Variants in PCDHA8 observed in about 807,000 individuals in gnomAD.
The protein encoded by PCDHA8 is protocadherin alpha-8.
A neutral mutation model predicts 61.8 loss-of-function variants in PCDHA8; 53 were observed. That is an observed-to-expected ratio of 0.86 (90% confidence interval 0.69 to 1.08). PCDHA8 has a LOEUF of 1.08. PCDHA8 is among the 50% of genes least tolerant of loss of function. The probability of loss-of-function intolerance (pLI) is 0.00; values close to 1 mark genes in which losing one functional copy is unlikely to be tolerated. For synonymous variants in PCDHA8, 618 were observed against 556.6 expected, an observed-to-expected ratio of 1.11 and a Z score of -1.55; for missense variants, 1,293 against 1,245.0, an observed-to-expected ratio of 1.04 and a Z score of -0.58.
At chr5:140,927,753 C>T (rs1435866827) in intron 1 of PCDHA8, 3 of 1,614,078 alleles carry the variant, frequency 1.9e-6, no homozygotes, top group Non-Finnish European at 2.5e-6. Flanking sequence ...TTCACGTGCA[C>T]CCTAAAAGTG....
Position 140,855,272 on chromosome 5 carries a change from A to G in PCDHA8, c.2394+11557A>G, listed in dbSNP as rs527268244. Among the ~76,000 whole-genome samples the G allele has an allele frequency of 6.0e-5, 9 of 149,830 alleles. 1 individual carries two copies. In the South Asian group the frequency reaches 1.7e-3, roughly 28 times the overall value. ...CACTTACTATATTATAATTCACTCA[A>G]CCACCGTATTACTATTAGGCCAAAG... On this transcript the variant is annotated intron_variant, in intron 1 of 3. Transcript: ENST00000531613.
At chr5:140,876,499 G>T in intron 1 of PCDHA8, 1 of 1,614,028 alleles carries the variant, frequency 6.2e-7, no homozygotes, top group South Asian at 1.1e-5. Flanking sequence ...AGTTCTGGAC[G>T]TGAATGACAA....
At chr5:140,848,313 C>T in intron 1 of PCDHA8, 1 of 730,618 alleles carries the variant, frequency 1.4e-6, no homozygotes, top group Non-Finnish European at 2.3e-6. Context: ...CACTCTTTGC[C>T]GCGATGTTCT....
intron 1 of PCDHA8, chr5:140,966,887 G>A: frequency 6.3e-7 from 1 of 1,592,682 alleles, no homozygotes. Flanking sequence ...TGGCCCTGCG[G>A]CCTCCCAGCT....
intron 1 of PCDHA8, chr5:140,967,008 A>C: frequency 6.2e-7 from 1 of 1,606,216 alleles, no homozygotes. Context: ...CGCATCAACC[A>C]TCTGGGTGCG....
chr5:140,887,802 T>A (rs2061588161), intron 1 of PCDHA8, among the ~76,000 whole-genome samples: 1 of 152,198 alleles, frequency 6.6e-6, no homozygotes, highest in Non-Finnish European at 1.5e-5. Context: ...TTTATTTTTG[T>A]CCATTTCTTT....
intron 1 of PCDHA8, among the ~76,000 whole-genome samples, chr5:140,972,711 T>A (rs2096551404): frequency 6.7e-6 from 1 of 148,680 alleles, no homozygotes; most frequent in Non-Finnish European, 1.5e-5. Context: ...GTTGCCAGGC[T>A]GGAGTGCAGT....
intron 1 of PCDHA8, chr5:140,966,700 G>T: frequency 7.3e-7 from 1 of 1,365,440 alleles, no homozygotes; most frequent in Non-Finnish European, 9.4e-7. Context: ...GGGCCCGGGC[G>T]TGGGGCACGG....
At position 140,843,100 on chromosome 5, in the gene PCDHA8, G is replaced by C; in HGVS notation, c.1779G>C (p.Lys593Asn). 1 of 1,595,760 alleles carries C rather than the reference G, an allele frequency of 6.3e-7. No homozygotes were observed. Among genetic ancestry groups the C allele is most frequent in the East Asian group, 2.2e-5 (1 of 44,806 alleles). The part of the protein sequence containing the change: ...RSVGAGHVVA[K>N]VRAVDADSGY... ...TGGGCGCGGGCCACGTGGTAGCGAA[G>C]GTGCGCGCAGTGGACGCCGACTCGG... is the stretch of plus-strand genomic sequence containing the variant. Residue 593 changes from lysine (K) to asparagine (N), a missense_variant, in exon 1 of 4, where the codon AAG (lysine) becomes AAC (asparagine). Transcript: ENST00000531613.
At chr5:140,876,323 T>C (rs1554168484) in intron 1 of PCDHA8, 1 of 1,614,000 alleles carries the variant, frequency 6.2e-7, no homozygotes, top group Middle Eastern at 1.6e-4. Context: ...ATCAAAATGA[T>C]TTTGCCAGTG....
intron 1 of PCDHA8, chr5:140,863,203 G>C: frequency 1.1e-6 from 1 of 948,504 alleles, no homozygotes; most frequent in Non-Finnish European, 1.6e-6. Flanking sequence ...GTCGCTGGCG[G>C]AGAGCAGCCA....
At chr5:140,998,906 AG>A (rs1267220398) in intron 3 of PCDHA8, among the ~76,000 whole-genome samples, 10 of 152,208 alleles carry the variant, frequency 6.6e-5, no homozygotes, top group Non-Finnish European at 1.5e-5. Context: ...TGCCTCCGGG[AG>A]GTAGCTATTA....
Position 141,010,476 on chromosome 5 carries a change from G to T in PCDHA8, c.*539G>T. ...GAAGTTATCAGTATGGAGGGGAAGT[G>T]TAAACTTAAAGGGACCAGACTTTCT... is the stretch of plus-strand genomic sequence containing the variant. On this transcript the variant is annotated 3_prime_UTR_variant, in exon 4 of 4. Coordinates refer to ENST00000531613, the MANE Select transcript of PCDHA8 (RefSeq NM_018911.3). 1.3e-6 allele frequency: 1 copy of T among 752,476 alleles called. No individual in the cohort carries two copies. Among genetic ancestry groups the T allele is most frequent in the Non-Finnish European group, 2.0e-6 (1 of 499,640 alleles). The allele number at this position is 752,476 out of a possible 1,614,324, so 46.6% of individuals were successfully genotyped here. A position where few individuals can be genotyped will look rare whatever the true frequency, so the allele number is the denominator to read the frequency against.
chr5:140,980,030 C>T (rs552658283), intron 2 of PCDHA8, among the ~76,000 whole-genome samples: 29 of 152,292 alleles, frequency 1.9e-4, no homozygotes, highest in Admixed American at 4.6e-4. Flanking sequence ...GAAATCATTA[C>T]ATTGGGTGCT....
chr5:140,846,294 A>G (rs2150386529), intron 1 of PCDHA8, among the ~76,000 whole-genome samples: 1 of 149,296 alleles, frequency 6.7e-6, no homozygotes, highest in Non-Finnish European at 1.5e-5. Flanking sequence ...AGTTCTATGA[A>G]TTAAGTAAAC....
intron 1 of PCDHA8, chr5:140,877,410 C>G (rs1339534741): frequency 7.4e-6 from 12 of 1,613,922 alleles, no homozygotes; most frequent in Non-Finnish European, 9.3e-6. Context: ...CGCGCCACCG[C>G]CTGCTGGTGC....
intron 1 of PCDHA8, chr5:140,869,991 A>G (rs1554163685): frequency 1.9e-6 from 3 of 1,613,542 alleles, no homozygotes; most frequent in Non-Finnish European, 2.5e-6. Flanking sequence ...CACTAGATCA[A>G]AATAATGGAG....
chr5:140,947,882 T>C (rs1554218353), intron 1 of PCDHA8, among the ~76,000 whole-genome samples: 1 of 151,580 alleles, frequency 6.6e-6, no homozygotes, highest in Non-Finnish European at 1.5e-5. Context: ...TCCAGGACAA[T>C]ATAAACAGAA....
chr5:140,856,717 A>G (rs947466965), intron 1 of PCDHA8: 1 of 1,596,480 alleles, frequency 6.3e-7, no homozygotes, highest in Non-Finnish European at 8.6e-7. Context: ...AATTTACCGG[A>G]TCTGTTTCTC....
Sources: gnomAD v4.1 joint callset for allele counts (sites outside exome capture counted in the v4.1 genomes callset) on GRCh38, gnomAD v4.1.1 for gene constraint, MANE v1.5 for transcripts, NCBI Gene and HGNC (gene_info 2026-07-23, HGNC 2026-07-21) for gene names.